Variants in PLEKHB2 observed in about 807,000 individuals in gnomAD.
The protein encoded by PLEKHB2 is pleckstrin homology domain containing B2.
Under a neutral mutation model 36.5 loss-of-function variants are expected in PLEKHB2, and 31 were observed. The ratio of observed to expected loss-of-function variants is 0.85; its 90% CI spans 0.64 to 1.15. The LOEUF (loss-of-function observed/expected upper bound fraction) is 1.15. PLEKHB2 is among the 50% of genes most tolerant of loss of function. The pLI is 0.00. For missense variants in PLEKHB2, 262 were observed against 295.3 expected (o/e 0.89, Z 0.83); for synonymous variants, 119 against 112.0 (o/e 1.06, Z -0.39).
At chr2:131,130,598 G>A in intron 4 of PLEKHB2, 123 bp from the exon 5 acceptor site, 1 of 752,524 alleles carries the variant, frequency 1.3e-6, no homozygotes, top group Non-Finnish European at 2.4e-6. Flanking sequence ...AAGTGGTTTG[G>A]GGCAAAGCCT....
At chr2:131,117,695 G>A (rs1696031293) in intron 1 of PLEKHB2, among the ~76,000 whole-genome samples, 2 of 152,130 alleles carry the variant, frequency 1.3e-5, no homozygotes, top group African/African-American at 4.8e-5. Flanking sequence ...AGGATTTGAC[G>A]TGAATGCGTA....
Position 131,146,619 on chromosome 2 carries a change from A to C in PLEKHB2, c.533-18A>C, listed in dbSNP as rs370452211. 2.9e-5 allele frequency: 47 copies of C among 1,599,164 alleles called. No homozygotes were observed. The South Asian group carries it at 5.2e-4, about 18-fold the overall frequency. ...ACAAACCGCTGCTCAGAAATCTGCT[A>C]TTTTCCTTCTCTTTTAGGACTTTAT... On this transcript the variant is annotated intron_variant, in intron 7 of 7. Coordinates refer to ENST00000693505, the MANE Select transcript of PLEKHB2 (RefSeq NM_001100623.2).
Position 131,116,244 on chromosome 2 carries a change from G to A in PLEKHB2, c.-8-4690G>A, listed in dbSNP as rs369182210. On this transcript the variant is annotated intron_variant, in intron 1 of 7. Transcript: ENST00000693505. Reference sequence around the variant, plus strand: ...TTTTTGAATCTTACTCAAGTGGCCCGAGTTGTTTCCCAAGTCTGCTGTTCA... The same window carrying A: ...TTTTTGAATCTTACTCAAGTGGCCCAAGTTGTTTCCCAAGTCTGCTGTTCA... Among the ~76,000 whole-genome samples the A allele has an allele frequency of 5.9e-5, 9 of 152,034 alleles. No homozygotes were observed. The East Asian group carries it at 1.4e-3, about 23-fold the overall frequency.
intron 1 of PLEKHB2, among the ~76,000 whole-genome samples, chr2:131,110,464 C>T (rs1695186826): frequency 6.6e-6 from 1 of 152,124 alleles, no homozygotes; most frequent in Non-Finnish European, 1.5e-5. Context: ...GTGCTTCTAC[C>T]TTCTGGGCTC....
intron 4 of PLEKHB2, among the ~76,000 whole-genome samples, chr2:131,127,780 A>G (rs766517153): frequency 2.0e-5 from 3 of 152,218 alleles, no homozygotes; most frequent in Non-Finnish European, 2.9e-5. Context: ...AAATCTTGCA[A>G]ATTTTCAGTA....
chr2:131,141,789 C>T (rs185769095), intron 7 of PLEKHB2, among the ~76,000 whole-genome samples: 30 of 152,014 alleles, frequency 2.0e-4, no homozygotes, highest in Admixed American at 1.3e-3. Flanking sequence ...TTCCATGAAA[C>T]AACATATGAT....
Position 131,125,800 on chromosome 2 carries a change from G to T in PLEKHB2, c.85G>T (p.Asp29Tyr). ...GAAGAACTGGTTTGATCTGTGGTCG[G>T]ATGGTCACCTGATCTATTATGATGA... ...WKKNWFDLWS[D>Y]GHLIYYDDQT... Residue 29 changes from aspartate to tyrosine, a missense_variant, in exon 3 of 8, where the codon GAT (aspartate) becomes TAT (tyrosine). By Grantham distance (160) the Asp-to-Tyr change is radical. Transcript: ENST00000693505. 6.2e-7 allele frequency: 1 copy of T among 1,613,508 alleles called. No individual in the cohort carries two copies. The highest frequency in any genetic ancestry group is 8.5e-7 in the Non-Finnish European group (1 of 1,179,670).
At chr2:131,114,081 T>C (rs1695603247) in intron 1 of PLEKHB2, among the ~76,000 whole-genome samples, 1 of 152,196 alleles carries the variant, frequency 6.6e-6, no homozygotes. Flanking sequence ...GTGTCTCGTC[T>C]GCTTTTGTCT....
chr2:131,129,703 C>T (rs966453870), intron 4 of PLEKHB2, among the ~76,000 whole-genome samples: 9 of 48,358 alleles, frequency 1.9e-4, no homozygotes, highest in African/African-American at 2.7e-4. Context: ...TTGGTTTTAC[C>T]ATGTTGGCCA....
In PLEKHB2 at chr2:131,137,033, G is replaced by A. The variant is rs1465455978; in HGVS notation, c.424-3134G>A. 3.4e-5 allele frequency among the ~76,000 whole-genome samples: 5 copies of A among 148,248 alleles called. No homozygotes were observed. The East Asian group carries it at 7.9e-4, about 23-fold the overall frequency. Reference sequence around the variant, plus strand: ...GTGATCTCGGCTCACTGCAAGCTCCGCCTCCCGTGTTCACGCCATTCTTCT... The same window carrying A: ...GTGATCTCGGCTCACTGCAAGCTCCACCTCCCGTGTTCACGCCATTCTTCT... On this transcript the variant is annotated intron_variant, in intron 6 of 7. Transcript: ENST00000693505.
At chr2:131,126,649 G>GA (rs759668117) in intron 3 of PLEKHB2, 35 bp from the exon 4 acceptor site, 1 of 1,266,426 alleles carries the variant, frequency 7.9e-7, no homozygotes, top group South Asian at 1.2e-5. Flanking sequence ...AAGAAATCCT[G>GA]AAAAAAGTTC....
At position 131,146,776 on chromosome 2, in the gene PLEKHB2, G is replaced by T; in HGVS notation, c.*3G>T. The T allele has an allele frequency of 6.3e-7, 1 of 1,597,268 alleles. No individual in the cohort carries two copies. Among genetic ancestry groups the T allele is most frequent in the Non-Finnish European group, 8.5e-7 (1 of 1,171,572 alleles). ...GGTCTCTATTTTGGGTCTTCTAGGG[G>T]CCTCAAGGTCTTGATGTGCATAGCT... On this transcript the variant is annotated 3_prime_UTR_variant, in exon 8 of 8. Coordinates refer to ENST00000693505, the MANE Select transcript of PLEKHB2 (RefSeq NM_001100623.2).
At chr2:131,117,038 C>G (rs1203566775) in intron 1 of PLEKHB2, among the ~76,000 whole-genome samples, 1 of 152,014 alleles carries the variant, frequency 6.6e-6, no homozygotes, top group Non-Finnish European at 1.5e-5. Context: ...ATGAGAATTG[C>G]TTGAACCTCA....
intron 6 of PLEKHB2, 67 bp from the exon 7 acceptor site, chr2:131,140,100 G>A: frequency 1.1e-6 from 1 of 917,318 alleles, no homozygotes; most frequent in Non-Finnish European, 1.7e-6. Flanking sequence ...GCAACCTGGA[G>A]ACCACAATTT....
intron 4 of PLEKHB2, 100 bp downstream of exon 4, chr2:131,126,886 G>A (rs1211267057): frequency 8.5e-6 from 6 of 705,744 alleles, no homozygotes; most frequent in Non-Finnish European, 1.5e-5. Context: ...TTTTCTTTCA[G>A]GCATCAGAAT....
chr2:131,143,753 G>A (rs1699012741), intron 7 of PLEKHB2, among the ~76,000 whole-genome samples: 2 of 152,214 alleles, frequency 1.3e-5, no homozygotes. Flanking sequence ...ATGGGATGGA[G>A]AGTTTTAAGC....
intron 6 of PLEKHB2, among the ~76,000 whole-genome samples, chr2:131,137,715 T>G (rs1698407591): frequency 6.6e-6 from 1 of 152,208 alleles, no homozygotes; most frequent in Non-Finnish European, 1.5e-5. Flanking sequence ...GCTTTTCGTT[T>G]TATTCACTTT....
intron 1 of PLEKHB2, among the ~76,000 whole-genome samples, chr2:131,116,038 T>C (rs1695839436): frequency 2.0e-5 from 3 of 152,362 alleles, no homozygotes; most frequent in East Asian, 1.9e-4. Flanking sequence ...AAGAAGCTAC[T>C]TGAGTCAGCA....
chr2:131,129,777 AC>A (rs1319670761), intron 4 of PLEKHB2, among the ~76,000 whole-genome samples: 1 of 152,090 alleles, frequency 6.6e-6, no homozygotes, highest in Non-Finnish European at 1.5e-5. Flanking sequence ...TGCTGGGATT[AC>A]AGGCGTGAGA....
Sources: gnomAD v4.1 joint callset for allele counts (sites outside exome capture counted in the v4.1 genomes callset) on GRCh38, gnomAD v4.1.1 for gene constraint, MANE v1.5 for transcripts, NCBI Gene and HGNC (gene_info 2026-07-23, HGNC 2026-07-21) for gene names.